Variants in SGCD observed in about 807,000 individuals in gnomAD.
SGCD encodes delta-sarcoglycan.
SGCD carries 18 observed loss-of-function variants against 36.6 expected under a neutral mutation model. The observed-to-expected ratio is 0.49, with a 90% CI of 0.34 to 0.73. The LOEUF is 0.73. SGCD is among the 30% of genes least tolerant of loss of function. SGCD has a pLI of 0.01. For synonymous variants in SGCD, 133 were observed against 130.6 expected (o/e 1.02, Z -0.12); for missense variants, 387 against 346.7 (o/e 1.12, Z -0.92).
At chr5:156,695,542 TAG>T (rs1561862070) in intron 7 of SGCD, among the ~76,000 whole-genome samples, 16 of 144,038 alleles carry the variant, frequency 1.1e-4, no homozygotes, top group African/African-American at 4.7e-4. Flanking sequence ...GATAGATAGA[TAG>T]ATAGATAGAT....
intron 3 of SGCD, among the ~76,000 whole-genome samples, chr5:156,455,712 T>G (rs1581019978): frequency 6.6e-6 from 1 of 152,314 alleles, no homozygotes; most frequent in African/African-American, 2.4e-5. Flanking sequence ...GAAGGCTTGA[T>G]TTTTATTTTA....
chr5:156,685,078 G>C (rs57380802), intron 7 of SGCD, among the ~76,000 whole-genome samples: 1 of 152,062 alleles, frequency 6.6e-6, no homozygotes, highest in African/African-American at 2.4e-5. Context: ...GGAAAGAAAC[G>C]TTTCTCAAAG....
chr5:155,828,287 A>G, the SGCD span, among the ~76,000 whole-genome samples: 1 of 152,138 alleles, frequency 6.6e-6, no homozygotes, highest in South Asian at 2.1e-4. Flanking sequence ...CCTTGTTTAG[A>G]TCAGAGGAGT....
At chr5:156,208,257 G>C (rs1045205236) in intron 3 of SGCD, among the ~76,000 whole-genome samples, 1 of 152,196 alleles carries the variant, frequency 6.6e-6, no homozygotes, top group African/African-American at 2.4e-5. Context: ...TCAAGAGCTT[G>C]ACTGTTCAAG....
At chr5:156,013,492 CTG>C (rs1229530448) in intron 1 of SGCD, among the ~76,000 whole-genome samples, 1 of 152,186 alleles carries the variant, frequency 6.6e-6, no homozygotes, top group African/African-American at 2.4e-5. Flanking sequence ...GCATATTTCC[CTG>C]TGCCCTTCTG....
chr5:156,318,697 G>A (rs1162211367), intron 3 of SGCD, among the ~76,000 whole-genome samples: 1 of 151,614 alleles, frequency 6.6e-6, no homozygotes, highest in Non-Finnish European at 1.5e-5. Context: ...TCGGGTTCAA[G>A]TGATTCTCCT....
rs559503105 is a variant in SGCD, at chr5:156,144,329, G to A, written c.-44+20310G>A. ...AATCGCCACACTGACTTCCACAATG[G>A]TTGAACTAGTTTACAGTCCCACCAA... is the stretch of plus-strand genomic sequence containing the variant. On this transcript the variant is annotated intron_variant, in intron 3 of 9. Transcript: ENST00000517913. Among the ~76,000 whole-genome samples, 12 of 152,154 alleles carry A rather than the reference G, an allele frequency of 7.9e-5. No individual in the cohort carries two copies. The East Asian group carries it at 1.4e-3, about 17-fold the overall frequency.
At chr5:155,943,731 A>T (rs1371556329) in intron 1 of SGCD, among the ~76,000 whole-genome samples, 1 of 152,046 alleles carries the variant, frequency 6.6e-6, no homozygotes, top group Admixed American at 6.5e-5. Flanking sequence ...AGTGGAAGCA[A>T]ATTATAGAGC....
chr5:155,940,291 G>C (rs1478805200), intron 1 of SGCD, among the ~76,000 whole-genome samples: 1 of 152,116 alleles, frequency 6.6e-6, no homozygotes, highest in Non-Finnish European at 1.5e-5. Context: ...GCGTAAACCA[G>C]TGTAACCTTT....
chr5:156,274,275 A>G (rs1476145248), intron 3 of SGCD, among the ~76,000 whole-genome samples: 1 of 152,052 alleles, frequency 6.6e-6, no homozygotes, highest in Non-Finnish European at 1.5e-5. Context: ...AAATATCAAA[A>G]ATATAAATAA....
chr5:156,129,476 C>T (rs1561531573), intron 3 of SGCD, among the ~76,000 whole-genome samples: 1 of 152,100 alleles, frequency 6.6e-6, no homozygotes, highest in South Asian at 2.1e-4. Context: ...GCCTATGACC[C>T]CATCTTTTTC....
At chr5:156,563,408 T>A (rs1012132116) in intron 4 of SGCD, among the ~76,000 whole-genome samples, 1 of 152,090 alleles carries the variant, frequency 6.6e-6, no homozygotes, top group Non-Finnish European at 1.5e-5. Flanking sequence ...CCAAGGGAAA[T>A]AACCAAGGTC....
At chr5:155,883,974 A>T (rs1755947186) in intron 1 of SGCD, among the ~76,000 whole-genome samples, 1 of 152,132 alleles carries the variant, frequency 6.6e-6, no homozygotes, top group African/African-American at 2.4e-5. Context: ...TAGACTCCAG[A>T]TTCAGAGCTC....
At chr5:155,908,101 C>T (rs1756559077) in intron 1 of SGCD, among the ~76,000 whole-genome samples, 1 of 152,110 alleles carries the variant, frequency 6.6e-6, no homozygotes. Flanking sequence ...TGATCATTAG[C>T]AATTACTAAC....
intron 4 of SGCD, 96 bp from the exon 5 acceptor site, chr5:156,589,135 C>T: frequency 9.2e-6 from 8 of 870,594 alleles, no homozygotes; most frequent in Non-Finnish European, 1.5e-5. Context: ...TGGAACTTGG[C>T]TAAAGCCATT....
the SGCD span, among the ~76,000 whole-genome samples, chr5:155,832,513 G>A: frequency 2.0e-5 from 3 of 152,158 alleles, no homozygotes; most frequent in African/African-American, 7.2e-5. Flanking sequence ...AGGATACAAC[G>A]CAAGCATTGC....
intron 3 of SGCD, among the ~76,000 whole-genome samples, chr5:156,277,526 A>G (rs1766348509): frequency 6.6e-6 from 1 of 152,212 alleles, no homozygotes; most frequent in Admixed American, 6.5e-5. Flanking sequence ...CCACAGCATA[A>G]TAAAACTTGG....
chr5:156,289,424 G>C (rs189970078), intron 3 of SGCD, among the ~76,000 whole-genome samples: 1 of 151,696 alleles, frequency 6.6e-6, no homozygotes, highest in African/African-American at 2.4e-5. Context: ...ATTAAGCCCC[G>C]TATGCATTAG....
intron 3 of SGCD, among the ~76,000 whole-genome samples, chr5:156,459,438 T>C (rs1754391956): frequency 1.3e-5 from 2 of 152,156 alleles, no homozygotes; most frequent in African/African-American, 2.4e-5. Context: ...TTTAAGAAAA[T>C]GAGAGTCAAC....
Sources: allele counts gnomAD v4.1 joint callset (sites outside exome capture counted in the v4.1 genomes callset), GRCh38; gene constraint gnomAD v4.1.1; transcripts MANE v1.5; gene names NCBI Gene and HGNC (gene_info 2026-07-23, HGNC 2026-07-21).